Variants in PANK1 observed in about 807,000 individuals in gnomAD.
PANK1 encodes pantothenate kinase 1.
PANK1 carries 18 observed loss-of-function variants against 40.1 expected under a neutral mutation model. That is an observed-to-expected ratio of 0.45 (90% CI 0.31 to 0.67). PANK1 has a LOEUF of 0.67. Among genes scored for constraint, PANK1 ranks in the 30% least tolerant of loss-of-function variants. The probability of loss-of-function intolerance (pLI) is 0.06; values close to 1 mark genes in which losing one functional copy is unlikely to be tolerated. For synonymous variants in PANK1, 242 were observed against 237.7 expected (o/e 1.02, Z -0.17); for missense variants, 457 against 599.6 (o/e 0.76, Z 2.48).
intron 1 of PANK1, among the ~76,000 whole-genome samples, chr10:89,630,734 C>T (rs1462967229): frequency 1.3e-5 from 2 of 152,192 alleles, no homozygotes; most frequent in Non-Finnish European, 2.9e-5. Flanking sequence ...CCTCGTGATC[C>T]GCCCGCCTCG....
At chr10:89,608,029 A>AATTTTTTTTTTTTTTTTTTTTTTT (rs1564625745) in intron 2 of PANK1, among the ~76,000 whole-genome samples, 1 of 142,342 alleles carries the variant, frequency 7.0e-6, no homozygotes. Flanking sequence ...ATGATCCTAA[A>AATTTTTTTTTTTTTTTTTTTTTTT]CTTTTTTTTT....
chr10:89,610,395 G>T (rs149129571), intron 2 of PANK1, among the ~76,000 whole-genome samples: 1 of 152,168 alleles, frequency 6.6e-6, no homozygotes, highest in Non-Finnish European at 1.5e-5. Flanking sequence ...GTGAGAAAAG[G>T]ATTCTGTGGG....
intron 5 of PANK1, among the ~76,000 whole-genome samples, chr10:89,590,144 A>G (rs1240587219): frequency 6.6e-6 from 1 of 152,100 alleles, no homozygotes; most frequent in Non-Finnish European, 1.5e-5. Flanking sequence ...TCATCTCAAA[A>G]TAATTGCTAC....
At chr10:89,614,075 A>T (rs1845243577) in intron 1 of PANK1, 1 of 454,570 alleles carries the variant, frequency 2.2e-6, no homozygotes, top group Non-Finnish European at 4.4e-6. Flanking sequence ...ATAAAGTCTG[A>T]CCAGAGTCTT....
chr10:89,603,782 A>C (rs1482621693), intron 2 of PANK1, among the ~76,000 whole-genome samples: 2 of 152,188 alleles, frequency 1.3e-5, no homozygotes, highest in Non-Finnish European at 2.9e-5. Flanking sequence ...CCCCAACCCC[A>C]GATAGCTTTT....
intron 1 of PANK1, among the ~76,000 whole-genome samples, chr10:89,641,521 G>T (rs1222870643): frequency 6.6e-6 from 1 of 152,116 alleles, no homozygotes; most frequent in Non-Finnish European, 1.5e-5. Flanking sequence ...ATTCCTGCCT[G>T]TTGCCACACA....
At chr10:89,605,923 T>C (rs902103303) in intron 2 of PANK1, among the ~76,000 whole-genome samples, 6 of 152,228 alleles carry the variant, frequency 3.9e-5, no homozygotes, top group Non-Finnish European at 7.3e-5. Flanking sequence ...AGAATGGATA[T>C]TGTATTAATA....
chr10:89,604,646 A>G (rs191279960), intron 2 of PANK1, among the ~76,000 whole-genome samples: 7 of 144,230 alleles, frequency 4.9e-5, no homozygotes, highest in East Asian at 2.1e-4. Flanking sequence ...GTGAGCCGAG[A>G]TCGCATCACT....
chr10:89,641,495 C>T (rs775860237), intron 1 of PANK1, among the ~76,000 whole-genome samples: 3 of 152,178 alleles, frequency 2.0e-5, no homozygotes, highest in African/African-American at 4.8e-5. Flanking sequence ...AGGCTGACTG[C>T]ATGCATCTAC....
intron 5 of PANK1, among the ~76,000 whole-genome samples, chr10:89,591,019 C>G (rs2133925263): frequency 6.6e-6 from 1 of 151,750 alleles, no homozygotes; most frequent in South Asian, 2.1e-4. Flanking sequence ...ATACTGTTCT[C>G]TCTCCTTTAC....
chr10:89,633,518 T>G (rs570755219), intron 1 of PANK1, among the ~76,000 whole-genome samples: 3 of 141,246 alleles, frequency 2.1e-5, no homozygotes, highest in African/African-American at 7.4e-5. Flanking sequence ...CCTAAAAACA[T>G]TAACAGCCCT....
intron 1 of PANK1, among the ~76,000 whole-genome samples, chr10:89,613,612 G>T (rs1845227291): frequency 6.6e-6 from 1 of 152,226 alleles, no homozygotes; most frequent in Non-Finnish European, 1.5e-5. Context: ...AAGATTAAGA[G>T]CAACAAATTT....
intron 2 of PANK1, among the ~76,000 whole-genome samples, chr10:89,607,884 T>C (rs2133956652): frequency 6.6e-6 from 1 of 152,288 alleles, no homozygotes. Context: ...ACTTTTTAAA[T>C]GGTGGGAGTT....
chr10:89,613,066 G>A (rs1845210042), intron 1 of PANK1, among the ~76,000 whole-genome samples: 3 of 152,092 alleles, frequency 2.0e-5, no homozygotes. Context: ...GCTCTTTATT[G>A]TTAAGAGCTG....
At chr10:89,595,187 A>G (rs1298664306) in intron 3 of PANK1, among the ~76,000 whole-genome samples, 1 of 152,244 alleles carries the variant, frequency 6.6e-6, no homozygotes. Flanking sequence ...GTGGTGGCTC[A>G]TGCCTGTAAT....
intron 1 of PANK1, among the ~76,000 whole-genome samples, chr10:89,631,618 A>G (rs1380537345): frequency 6.6e-6 from 1 of 152,238 alleles, no homozygotes; most frequent in Non-Finnish European, 1.5e-5. Flanking sequence ...ATATTTCCAG[A>G]CAAAAATTAT....
chr10:89,581,531 G>A (rs190113638), downstream of PANK1: 388 of 152,418 alleles, frequency 2.5e-3, 2 homozygotes, highest in Non-Finnish European at 3.8e-3. Flanking sequence ...CCATTCTCCC[G>A]CCTCAGCCTC....
intron 2 of PANK1, among the ~76,000 whole-genome samples, chr10:89,601,612 T>C (rs866593289): frequency 9.5e-4 from 144 of 152,358 alleles, no homozygotes; most frequent in African/African-American, 3.3e-3. Context: ...CCTCTGATTG[T>C]ATACCTGCAG....
At chr10:89,586,722 T>G (rs1024410310) in intron 6 of PANK1, among the ~76,000 whole-genome samples, 1 of 152,220 alleles carries the variant, frequency 6.6e-6, no homozygotes, top group Admixed American at 6.5e-5. Flanking sequence ...TACAAGAGAT[T>G]AGATACCTCC....
Sources: allele counts gnomAD v4.1 joint callset (sites outside exome capture counted in the v4.1 genomes callset), GRCh38; gene constraint gnomAD v4.1.1; transcripts MANE v1.5; gene names NCBI Gene and HGNC (gene_info 2026-07-23, HGNC 2026-07-21).